The following GDF2 variants were observed in gnomAD, a reference collection of about 807,000 sequenced individuals.
The protein encoded by GDF2 is growth differentiation factor 2.
GDF2 carries 17 observed loss-of-function variants against 16.9 expected under a neutral mutation model. The ratio of observed to expected loss-of-function variants is 1.00; its 90% CI spans 0.69 to 1.51. The LOEUF is 1.51. Among genes scored for constraint, GDF2 ranks in the 40% most tolerant of loss-of-function variants. The pLI, the probability that GDF2 is intolerant of heterozygous loss-of-function variation, is 0.00. For missense variants in GDF2, 523 were observed against 556.3 expected, an observed-to-expected ratio of 0.94 and a Z score of 0.60; for synonymous variants, 276 against 237.6, an observed-to-expected ratio of 1.16 and a Z score of -1.49.
intron 1 of GDF2, among the ~76,000 whole-genome samples, chr10:47,324,398 C>G (rs2061095903): frequency 6.6e-6 from 1 of 152,140 alleles, no homozygotes; most frequent in South Asian, 2.1e-4. Context: ...GTGAGTTTTT[C>G]TGTTTTCTTT....
In GDF2 at chr10:47,322,597, G is replaced by A; in HGVS notation, c.-72G>A. ...GGAGATGCCGGCCCGCTCCTTCCCA[G>A]CTCCTCCCCGTGCCCGCTAACACAG... On this transcript the variant is annotated 5_prime_UTR_variant, in exon 1 of 2. Transcript: ENST00000581492. 1 of 1,181,882 alleles carries A rather than the reference G, an allele frequency of 8.5e-7. No homozygotes were observed. Among genetic ancestry groups the A allele is most frequent in the Non-Finnish European group, 1.2e-6 (1 of 863,424 alleles). 73.2% of individuals were successfully genotyped at this position (1,181,882 alleles called of 1,614,324 possible). A position where few individuals can be genotyped will look rare whatever the true frequency, so the allele number is the denominator to read the frequency against.
In GDF2 at chr10:47,325,539, A is replaced by G; in HGVS notation, c.1045A>G (p.Lys349Glu). Residue 349 changes from lysine (K) to glutamate (E), a missense_variant, in exon 2 of 2, where the codon AAG becomes GAG. Physicochemically the swap from Lys to Glu is moderately conservative, Grantham distance 56. Transcript: ENST00000581492. Reference protein sequence around the residue: ...IGWDSWIIAPKEYEAYECKGG... With the variant: ...IGWDSWIIAPEEYEAYECKGG... Reference sequence around the variant, plus strand: ...CTGGGACAGCTGGATCATTGCACCCAAGGAGTATGAAGCCTACGAGTGTAA... The same window carrying G: ...CTGGGACAGCTGGATCATTGCACCCGAGGAGTATGAAGCCTACGAGTGTAA... The G allele has an allele frequency of 6.2e-7, 1 of 1,613,890 alleles. No homozygotes were observed. Among genetic ancestry groups the G allele is most frequent in the Non-Finnish European group, 8.5e-7 (1 of 1,180,028 alleles).
chr10:47,323,870 C>T (rs1215128799), intron 1 of GDF2, among the ~76,000 whole-genome samples: 1 of 152,232 alleles, frequency 6.6e-6, no homozygotes, highest in Non-Finnish European at 1.5e-5. Context: ...AGAGCCTCTC[C>T]CTTCCTGGGT....
rs1049921837 is a variant in GDF2 at position 47,325,340 on chromosome 10, C to A, written c.846C>A (p.Ser282Arg). The A allele has an allele frequency of 6.2e-7, 1 of 1,614,166 alleles. No homozygotes were observed. The highest frequency in any genetic ancestry group is 1.7e-5 in the Admixed American group (1 of 60,026). The change falls in exon 2 of 2, where the codon AGC becomes AGA. Residue 282 changes from serine (S) to arginine (R), a missense_variant. By Grantham distance (110) the Ser-to-Arg change is moderately radical. Coordinates refer to ENST00000581492, the MANE Select transcript of GDF2 (RefSeq NM_016204.4). ...AGATGATCAGCCATGAACAAGAGAG[C>A]GTGCTCAAGAAGCTGTCCAAGGACG... The part of the protein sequence containing the change: ...LREMISHEQE[S>R]VLKKLSKDGS...
At chr10:47,324,810 C>G in intron 1 of GDF2, 31 bp from the exon 2 acceptor site, 1 of 1,468,336 alleles carries the variant, frequency 6.8e-7, no homozygotes, top group Non-Finnish European at 9.5e-7. Flanking sequence ...GACCCTCCAG[C>G]AGATGCCCAC....
At position 47,324,792 on chromosome 10, in the gene GDF2, T is replaced by C. The variant is rs7923671; in HGVS notation, c.347-49T>C. 1,226,339 of 1,345,820 alleles carry C rather than the reference T, an allele frequency of 0.91. 561,872 individuals carry two copies. The highest frequency in any genetic ancestry group is 0.93 in the Non-Finnish European group (888,524 of 950,460). The allele number at this position is 1,345,820 out of a possible 1,614,324, so 83.4% of individuals were successfully genotyped here. On this transcript the variant is annotated intron_variant, in intron 1 of 1. Transcript: ENST00000581492. ...ACCCTGAGACTCAGCTTCAGTGTCA[T>C]GGAAACAGACCCTCCAGCAGATGCC...
chr10:47,323,049 G>A (rs1555208744), intron 1 of GDF2, 35 bp downstream of exon 1: 2 of 1,474,864 alleles, frequency 1.4e-6, no homozygotes, highest in Non-Finnish European at 1.9e-6. Context: ...GCGCTGGGGT[G>A]GGACTCACAG....
intron 1 of GDF2, 110 bp from the exon 2 acceptor site, chr10:47,324,731 G>T: frequency 1.4e-6 from 1 of 714,878 alleles, no homozygotes; most frequent in East Asian, 2.6e-5. Context: ...AGATAATACA[G>T]ACCAAAATTG....
chr10:47,325,441 G>T lies in GDF2; in HGVS notation c.947G>T (p.Arg316Met). Residue 316 changes from arginine (R) to methionine (M), a missense_variant, in exon 2 of 2, where the codon AGG becomes ATG. By Grantham distance (91) the Arg-to-Met change is moderately conservative. Coordinates refer to ENST00000581492, the MANE Select transcript of GDF2 (RefSeq NM_016204.4). Reference protein sequence around the residue: ...GHVAAGSTLARRKRSAGAGSH... With the variant: ...GHVAAGSTLAMRKRSAGAGSH... The stretch of plus-strand genomic sequence containing the variant: ...GTGGCTGCGGGGTCGACTTTAGCCA[G>T]GCGGAAAAGGAGCGCCGGGGCTGGC... 1 of 1,613,872 alleles carries T rather than the reference G, an allele frequency of 6.2e-7. No homozygotes were observed. The highest frequency in any genetic ancestry group is 8.5e-7 in the Non-Finnish European group (1 of 1,180,054).
chr10:47,323,835 T>G (rs1555208792), intron 1 of GDF2, among the ~76,000 whole-genome samples: 1 of 152,192 alleles, frequency 6.6e-6, no homozygotes, highest in African/African-American at 2.4e-5. Flanking sequence ...GCTGCTGCTG[T>G]CTCCCTCTGA....
intron 1 of GDF2, among the ~76,000 whole-genome samples, chr10:47,323,511 A>C (rs527458179): frequency 4.1e-4 from 63 of 152,318 alleles, no homozygotes; most frequent in Non-Finnish European, 8.5e-4. Context: ...AAGCACATCT[A>C]TTCCTTTCTT....
Position 47,325,051 on chromosome 10 carries a change from C to A in GDF2, c.557C>A (p.Thr186Lys), listed in dbSNP as rs781857578. ...LDGTDAWDSA[T>K]ETKTFLVSQD... ...GGAACAGATGCCTGGGATAGTGCTA[C>A]AGAGACCAAGACCTTCCTGGTGTCC... The change falls in exon 2 of 2, where the codon ACA becomes AAA. Residue 186 changes from threonine to lysine, a missense_variant. By Grantham distance (78) the Thr-to-Lys change is moderately conservative (BLOSUM62 -1). Coordinates refer to ENST00000581492, the MANE Select transcript of GDF2 (RefSeq NM_016204.4). The A allele has an allele frequency of 1.2e-6, 2 of 1,614,096 alleles. No individual in the cohort carries two copies. The highest frequency in any genetic ancestry group is 1.7e-6 in the Non-Finnish European group (2 of 1,180,018).
Position 47,325,727 on chromosome 10 carries a change from G to A in GDF2, c.1233G>A (p.Val411=), listed in dbSNP as rs782039281. Residue 411 remains valine (V), a synonymous_variant, in exon 2 of 2, where the codon GTG becomes GTA. Transcript: ENST00000581492. The part of the protein sequence containing the change: ...ISVLYKDDMG[V]PTLKYHYEGM... ...TCCTCTACAAGGATGACATGGGGGT[G>A]CCCACCCTCAAGTACCATTACGAGG... 19 of 1,579,538 alleles carry A rather than the reference G, an allele frequency of 1.2e-5. No homozygotes were observed. The highest frequency in any genetic ancestry group is 1.6e-5 in the Non-Finnish European group (18 of 1,160,948).
Position 47,325,836 on chromosome 10 carries a change from T to C in GDF2, c.*52T>C. 1 of 1,279,850 alleles carries C rather than the reference T, an allele frequency of 7.8e-7. No individual in the cohort carries two copies. Among genetic ancestry groups the C allele is most frequent in the South Asian group, 1.5e-5 (1 of 65,192 alleles). The allele number at this position is 1,279,850 out of a possible 1,614,324, so 79.3% of individuals were successfully genotyped here. A position where few individuals can be genotyped will look rare whatever the true frequency, so the allele number is the denominator to read the frequency against. On this transcript the variant is annotated 3_prime_UTR_variant, in exon 2 of 2. Coordinates refer to ENST00000581492, the MANE Select transcript of GDF2 (RefSeq NM_016204.4). ...GGCCAAAGGGGCTCCACATGAGAGG[T>C]CCTGCATGCCCCTGGGCACAACAAG...
Position 47,324,916 on chromosome 10 carries a change from G to C in GDF2, c.422G>C (p.Arg141Thr). ...HILLFNISIPRHEQITRAELR... is the reference protein window; with the variant it reads ...HILLFNISIPTHEQITRAELR... Reference sequence around the variant, plus strand: ...TTGCTCTTCAACATCTCCATTCCTAGGCATGAGCAGATCACCAGAGCTGAG... The same window carrying C: ...TTGCTCTTCAACATCTCCATTCCTACGCATGAGCAGATCACCAGAGCTGAG... Residue 141 changes from arginine to threonine, a missense_variant, in exon 2 of 2, where the codon AGG becomes ACG. Transcript: ENST00000581492. The C allele has an allele frequency of 6.2e-7, 1 of 1,613,968 alleles. No individual in the cohort carries two copies. The highest frequency in any genetic ancestry group is 1.1e-5 in the South Asian group (1 of 91,084).
chr10:47,322,775 A>G lies in GDF2; in HGVS notation c.107A>G (p.Asn36Ser), dbSNP rs2061088906. 1 of 1,612,750 alleles carries G rather than the reference A, an allele frequency of 6.2e-7. No individual in the cohort carries two copies. Among genetic ancestry groups the G allele is most frequent in the South Asian group, 1.1e-5 (1 of 91,044 alleles). Residue 36 changes from asparagine (N) to serine (S), a missense_variant, in exon 1 of 2, where the codon AAC (asparagine) becomes AGC (serine). Physicochemically the swap from Asn to Ser is conservative, Grantham distance 46 (BLOSUM62 1). Coordinates refer to ENST00000581492, the MANE Select transcript of GDF2 (RefSeq NM_016204.4). The stretch of plus-strand genomic sequence containing the variant: ...TGGGGACGAGGGTCTGCTGGGGGAA[A>G]CGCCCACAGCCCACTGGGGGTGCCT... ...QSWGRGSAGG[N>S]AHSPLGVPGG...
chr10:47,322,616 A>G lies in GDF2; in HGVS notation c.-53A>G. ...TTCCCAGCTCCTCCCCGTGCCCGCT[A>G]ACACAGCACGGCCGCCTGCAGTCTC... On this transcript the variant is annotated 5_prime_UTR_variant, in exon 1 of 2. It removes the in-frame stop codon of an upstream open reading frame in the 5' UTR. Transcript: ENST00000581492. The G allele has an allele frequency of 7.5e-7, 1 of 1,342,262 alleles. No homozygotes were observed. Among genetic ancestry groups the G allele is most frequent in the Non-Finnish European group, 1.0e-6 (1 of 1,002,552 alleles). The allele number at this position is 1,342,262 out of a possible 1,614,324, so 83.1% of individuals were successfully genotyped here. A position where few individuals can be genotyped will look rare whatever the true frequency, so the allele number is the denominator to read the frequency against.
rs186424056 is a variant in GDF2, at chr10:47,322,612, C to T, written c.-57C>T. On this transcript the variant is annotated 5_prime_UTR_variant, in exon 1 of 2. Coordinates refer to ENST00000581492, the MANE Select transcript of GDF2 (RefSeq NM_016204.4). The stretch of plus-strand genomic sequence containing the variant: ...CTCCTTCCCAGCTCCTCCCCGTGCC[C>T]GCTAACACAGCACGGCCGCCTGCAG... The T allele has an allele frequency of 1.4e-5, 19 of 1,313,860 alleles. No individual in the cohort carries two copies. The highest frequency in any genetic ancestry group is 2.7e-5 in the Admixed American group (1 of 36,428). 81.4% of individuals were successfully genotyped at this position (1,313,860 alleles called of 1,614,324 possible). A position where few individuals can be genotyped will look rare whatever the true frequency, so the allele number is the denominator to read the frequency against.
At chr10:47,324,333 C>T (rs1339402568) in intron 1 of GDF2, among the ~76,000 whole-genome samples, 4 of 152,224 alleles carry the variant, frequency 2.6e-5, no homozygotes, top group East Asian at 1.9e-4. Context: ...ACTGTCCCCA[C>T]CCAGGATCTC....
Sources: allele counts gnomAD v4.1 joint callset (sites outside exome capture counted in the v4.1 genomes callset), GRCh38; gene constraint gnomAD v4.1.1; transcripts MANE v1.5; gene names NCBI Gene and HGNC (gene_info 2026-07-23, HGNC 2026-07-21).